ANKFN1: variants seen among roughly 807,000 people sequenced by gnomAD.
ANKFN1 encodes the protein ankyrin repeat and fibronectin type III domain containing 1, also known as ankyrin repeat and fibronectin type-III domain-containing protein 1.
A neutral mutation model predicts 108.7 loss-of-function variants in ANKFN1; 74 were observed. The ratio of observed to expected loss-of-function variants is 0.68; its 90% CI spans 0.56 to 0.83. ANKFN1 has a LOEUF of 0.83. ANKFN1 is among the 40% of genes least tolerant of loss of function. The pLI, the probability that ANKFN1 is intolerant of heterozygous loss-of-function variation, is 0.00. For missense variants in ANKFN1, 1,505 were observed against 1,382.3 expected, an observed-to-expected ratio of 1.09 and a Z score of -1.41; for synonymous variants, 547 against 516.2, an observed-to-expected ratio of 1.06 and a Z score of -0.81.
intron 3 of ANKFN1, among the ~76,000 whole-genome samples, chr17:56,264,431 A>G (rs1030800614): frequency 1.3e-5 from 2 of 152,114 alleles, no homozygotes; most frequent in African/African-American, 4.8e-5. Flanking sequence ...GATTCTCGCT[A>G]TTTTTCAGCA....
At chr17:56,337,831 T>C (rs1333601392) in intron 4 of ANKFN1, among the ~76,000 whole-genome samples, 1 of 151,950 alleles carries the variant, frequency 6.6e-6, no homozygotes, top group East Asian at 1.9e-4. Flanking sequence ...TGTGGAGAAA[T>C]AGGAACACTT....
At chr17:56,226,948 A>G (rs749942652) in intron 2 of ANKFN1, among the ~76,000 whole-genome samples, 2 of 152,118 alleles carry the variant, frequency 1.3e-5, no homozygotes, top group Non-Finnish European at 2.9e-5. Context: ...AATTTGCCCA[A>G]ATCACACTAT....
intron 6 of ANKFN1, among the ~76,000 whole-genome samples, chr17:56,357,659 C>A (rs536254086): frequency 6.6e-6 from 1 of 152,046 alleles, no homozygotes; most frequent in Non-Finnish European, 1.5e-5. Context: ...ATATCAAGTA[C>A]AAAAGAAGCA....
At chr17:56,414,630 A>C (rs2048187268) in intron 8 of ANKFN1, among the ~76,000 whole-genome samples, 1 of 152,222 alleles carries the variant, frequency 6.6e-6, no homozygotes, top group Non-Finnish European at 1.5e-5. Flanking sequence ...CAGTTAATGT[A>C]ATATATCATA....
At chr17:56,495,035 G>A (rs1404820983) in intron 19 of ANKFN1, among the ~76,000 whole-genome samples, 1 of 152,130 alleles carries the variant, frequency 6.6e-6, no homozygotes, top group Non-Finnish European at 1.5e-5. Context: ...GGCAGGCCAG[G>A]CTGGGAATTC....
chr17:56,418,970 C>A (rs1301333184), intron 8 of ANKFN1, among the ~76,000 whole-genome samples: 4 of 152,158 alleles, frequency 2.6e-5, no homozygotes, highest in African/African-American at 7.2e-5. Context: ...GGTTCAACTC[C>A]GATCTCAGGG....
intron 3 of ANKFN1, chr17:56,258,144 A>G (rs571908815): frequency 2.0e-5 from 3 of 152,182 alleles, no homozygotes; most frequent in Non-Finnish European, 4.4e-5. Flanking sequence ...GCACATGATG[A>G]TTTTATTAAA....
intron 8 of ANKFN1, among the ~76,000 whole-genome samples, chr17:56,436,057 T>A (rs954606775): frequency 7.2e-5 from 11 of 152,140 alleles, no homozygotes; most frequent in African/African-American, 2.7e-4. Context: ...TCAGGGGCTC[T>A]TTTTCATTTT....
chr17:56,208,625 G>T (rs887623752), intron 1 of ANKFN1, among the ~76,000 whole-genome samples: 1 of 152,118 alleles, frequency 6.6e-6, no homozygotes, highest in Admixed American at 6.5e-5. Flanking sequence ...TGCTATAATA[G>T]CTGTGTCATC....
chr17:56,116,803 A>G (rs559443529), intron 4 of ANKFN1, among the ~76,000 whole-genome samples: 26 of 152,228 alleles, frequency 1.7e-4, no homozygotes, highest in African/African-American at 6.0e-4. Context: ...TAAAACAAAA[A>G]AGATTGCATT....
chr17:56,310,088 C>T (rs942611351), intron 3 of ANKFN1, among the ~76,000 whole-genome samples: 2 of 151,942 alleles, frequency 1.3e-5, no homozygotes, highest in African/African-American at 4.8e-5. Flanking sequence ...TGACTAGGGG[C>T]GTGTAGTGTA....
At chr17:56,481,743 C>T (rs1000054478) in intron 17 of ANKFN1, among the ~76,000 whole-genome samples, 3 of 152,128 alleles carry the variant, frequency 2.0e-5, no homozygotes, top group Non-Finnish European at 2.9e-5. Flanking sequence ...GCCATAAAGA[C>T]AATAGAGAAG....
chr17:56,187,970 T>C (rs1912407824), intron 1 of ANKFN1, among the ~76,000 whole-genome samples: 1 of 152,092 alleles, frequency 6.6e-6, no homozygotes, highest in Non-Finnish European at 1.5e-5. Context: ...TTAGGAGATA[T>C]ACTGAATGTA....
At chr17:56,229,363 T>G (rs1227535611) in intron 3 of ANKFN1, among the ~76,000 whole-genome samples, 1 of 152,122 alleles carries the variant, frequency 6.6e-6, no homozygotes, top group Non-Finnish European at 1.5e-5. Flanking sequence ...TTTGACTGTA[T>G]TATTTCTTTT....
At chr17:56,442,107 C>T (rs2049125948) in intron 9 of ANKFN1, among the ~76,000 whole-genome samples, 1 of 152,126 alleles carries the variant, frequency 6.6e-6, no homozygotes, top group Non-Finnish European at 1.5e-5. Context: ...TAATTCTTAA[C>T]ATCACAAAAG....
chr17:56,495,094 C>T (rs2051158047), intron 19 of ANKFN1, among the ~76,000 whole-genome samples: 1 of 152,092 alleles, frequency 6.6e-6, no homozygotes, highest in Non-Finnish European at 1.5e-5. Flanking sequence ...AACTTGAGAG[C>T]CCTCTCTACA....
At chr17:56,128,539 C>T (rs1907078488) in intron 4 of ANKFN1, among the ~76,000 whole-genome samples, 1 of 152,120 alleles carries the variant, frequency 6.6e-6, no homozygotes, top group South Asian at 2.1e-4. Context: ...CCTGCAAGGC[C>T]TTCAGGATCT....
chr17:56,487,482 G>T (rs1486994763), intron 18 of ANKFN1, among the ~76,000 whole-genome samples: 1 of 151,606 alleles, frequency 6.6e-6, no homozygotes, highest in Non-Finnish European at 1.5e-5. Flanking sequence ...GGCCTTTGTT[G>T]ATTTCCTTGG....
intron 3 of ANKFN1, among the ~76,000 whole-genome samples, chr17:56,320,845 T>C (rs2045345023): frequency 6.6e-6 from 1 of 152,136 alleles, no homozygotes; most frequent in Non-Finnish European, 1.5e-5. Context: ...ATAAACACTC[T>C]GTCATCGGAT....
Sources: allele counts gnomAD v4.1 joint callset (sites outside exome capture counted in the v4.1 genomes callset), GRCh38; gene constraint gnomAD v4.1.1; transcripts MANE v1.5; gene names NCBI Gene and HGNC (gene_info 2026-07-23, HGNC 2026-07-21).